The following COL9A3 variants were observed in gnomAD, a reference collection of about 807,000 sequenced individuals.
The protein encoded by COL9A3 is collagen alpha-3(IX) chain.
In COL9A3, 82 loss-of-function variants were observed where a neutral mutation model predicts 110.2. The observed-to-expected ratio is 0.74, with a 90% CI of 0.62 to 0.89. The LOEUF is 0.89. COL9A3 is among the 40% of genes least tolerant of loss of function. The pLI is 0.00. For missense variants in COL9A3, 1,066 were observed against 981.3 expected, an observed-to-expected ratio of 1.09 and a Z score of -1.15; for synonymous variants, 494 against 403.8, an observed-to-expected ratio of 1.22 and a Z score of -2.68.
chr20:62,823,747 C>T (rs982350208), intron 10 of COL9A3, among the ~76,000 whole-genome samples: 1 of 152,240 alleles, frequency 6.6e-6, no homozygotes, highest in Non-Finnish European at 1.5e-5. Context: ...CTCACAGTGC[C>T]CCTCCTAAAA....
At chr20:62,840,473 G>A in intron 31 of COL9A3, 69 bp from the exon 32 acceptor site, 3 of 1,414,848 alleles carry the variant, frequency 2.1e-6, no homozygotes, top group East Asian at 4.6e-5. Flanking sequence ...CTTGCCCACA[G>A]CTGGATGTCA....
intron 26 of COL9A3, among the ~76,000 whole-genome samples, chr20:62,834,821 A>G (rs1184682103): frequency 6.6e-6 from 1 of 152,054 alleles, no homozygotes; most frequent in African/African-American, 2.4e-5. Context: ...TTTTGTATTT[A>G]GTAGAGATGG....
chr20:62,830,656 C>CT lies in COL9A3; in HGVS notation c.1287+68_1287+69insT. The stretch of plus-strand genomic sequence containing the variant: ...ACCCATGTACCACAGTCCCCCACCC[C>CT]CATGACAGTCCCCCAACCCCCACCA... On this transcript the variant is annotated intron_variant, in intron 24 of 31. Coordinates refer to ENST00000649368, the MANE Select transcript of COL9A3 (RefSeq NM_001853.4). The CT allele has an allele frequency of 6.2e-6, 6 of 974,584 alleles. 3 individuals are homozygous for CT. The highest frequency in any genetic ancestry group is 6.0e-5 in the South Asian group (4 of 66,138). The allele number at this position is 974,584 out of a possible 1,614,324, so 60.4% of individuals were successfully genotyped here.
upstream of COL9A3, chr20:62,817,011 C>T: frequency 1.8e-6 from 2 of 1,097,738 alleles, no homozygotes; most frequent in Non-Finnish European, 2.3e-6. Context: ...ACCTCCCGCC[C>T]CGCCCGCCCG....
At chr20:62,839,110 A>G (rs2063655662) in intron 31 of COL9A3, among the ~76,000 whole-genome samples, 1 of 152,088 alleles carries the variant, frequency 6.6e-6, no homozygotes, top group South Asian at 2.1e-4. Flanking sequence ...CTGTAATCCC[A>G]GATACTTGGG....
Position 62,832,204 on chromosome 20 carries a change from G to T in COL9A3, c.1323+15G>T. 6.2e-7 allele frequency: 1 copy of T among 1,612,516 alleles called. No individual in the cohort carries two copies. Reference sequence around the variant, plus strand: ...AGGGAGACCAGGTGAGCTGGGCACAGGCTGGGGCAAAAGGAATGAAGGCAA... The same window carrying T: ...AGGGAGACCAGGTGAGCTGGGCACATGCTGGGGCAAAAGGAATGAAGGCAA... On this transcript the variant is annotated intron_variant, in intron 25 of 31. Coordinates refer to ENST00000649368, the MANE Select transcript of COL9A3 (RefSeq NM_001853.4).
chr20:62,821,590 G>T, intron 7 of COL9A3, 60 bp downstream of exon 7: 2 of 1,610,782 alleles, frequency 1.2e-6, no homozygotes, highest in Non-Finnish European at 1.7e-6. Flanking sequence ...AGCCTGCCAG[G>T]CTGGGATGTC....
chr20:62,825,255 T>C (rs2063543497), intron 12 of COL9A3, among the ~76,000 whole-genome samples: 1 of 152,068 alleles, frequency 6.6e-6, no homozygotes, highest in African/African-American at 2.4e-5. Context: ...GTGCCTGTCT[T>C]CCAGACAGGG....
At chr20:62,825,567 G>A in intron 12 of COL9A3, 1 of 592,506 alleles carries the variant, frequency 1.7e-6, no homozygotes. Flanking sequence ...ACGAGGAGGG[G>A]CCTGGACAGG....
chr20:62,839,099 C>A (rs2063655611), intron 31 of COL9A3, among the ~76,000 whole-genome samples: 1 of 152,056 alleles, frequency 6.6e-6, no homozygotes, highest in Non-Finnish European at 1.5e-5. Flanking sequence ...GTGGCGGGCG[C>A]CTGTAATCCC....
chr20:62,840,574 G>T lies in COL9A3; in HGVS notation c.1897G>T (p.Gly633Cys). The change falls in exon 32 of 32, where the codon GGC (glycine) becomes TGC (cysteine). Residue 633 changes from glycine (G) to cysteine (C), a missense_variant. Coordinates refer to ENST00000649368, the MANE Select transcript of COL9A3 (RefSeq NM_001853.4). Reference protein sequence around the residue: ...PQGVPGTSKDGQDGAPGEPGP... With the variant: ...PQGVPGTSKDCQDGAPGEPGP... ...AGGCGTGCCCGGCACCAGCAAGGAC[G>T]GCCAGGACGGTGCTCCCGGCGAGCC... 6.2e-7 allele frequency: 1 copy of T among 1,612,576 alleles called. No individual in the cohort carries two copies. The highest frequency in any genetic ancestry group is 2.2e-5 in the East Asian group (1 of 44,882).
chr20:62,818,242 A>G (rs1385288913), intron 2 of COL9A3, among the ~76,000 whole-genome samples: 1 of 152,150 alleles, frequency 6.6e-6, no homozygotes, highest in Non-Finnish European at 1.5e-5. Context: ...GGCTGCACCA[A>G]GAGCCCCCCA....
At chr20:62,830,247 A>C (rs1600802805) in intron 22 of COL9A3, 113 bp from the exon 23 acceptor site, 2 of 1,277,630 alleles carry the variant, frequency 1.6e-6, no homozygotes, top group East Asian at 5.0e-5. Flanking sequence ...GTGGCTTAGA[A>C]CCGGCTCCTG....
At position 62,822,682 on chromosome 20, in the gene COL9A3, G is replaced by T. The variant is rs199838058; in HGVS notation, c.519+50G>T. 51 of 1,590,602 alleles carry T rather than the reference G, an allele frequency of 3.2e-5. 1 individual carries two copies. The highest frequency in any genetic ancestry group is 2.5e-4 in the South Asian group (23 of 90,778). ...AGGGTGCTGGGGGGTGCCTACCTTG[G>T]GGGGAGGGGTTCTGGCCTGGAGAGG... is the stretch of plus-strand genomic sequence containing the variant. On this transcript the variant is annotated intron_variant, in intron 10 of 31. Coordinates refer to ENST00000649368, the MANE Select transcript of COL9A3 (RefSeq NM_001853.4).
rs2063674285 is a variant in COL9A3 at position 62,840,990 on chromosome 20, T to C, written c.*258T>C. On this transcript the variant is annotated 3_prime_UTR_variant, in exon 32 of 32. Coordinates refer to ENST00000649368, the MANE Select transcript of COL9A3 (RefSeq NM_001853.4). ...AGGTAGGGTGTGTATATATAAAAGG[T>C]TGTGTACAACTCCACGAGGTGAAAA... The C allele has an allele frequency of 2.0e-6, 1 of 503,658 alleles. No homozygotes were observed. The highest frequency in any genetic ancestry group is 1.9e-5 in the African/African-American group (1 of 51,694). 31.2% of individuals were successfully genotyped at this position (503,658 alleles called of 1,614,324 possible). A position where few individuals can be genotyped will look rare whatever the true frequency, so the allele number is the denominator to read the frequency against.
chr20:62,831,792 T>A lies in COL9A3; in HGVS notation c.1288-362T>A, dbSNP rs556336625. The A allele has an allele frequency of 8.3e-6, 3 of 359,640 alleles. No individual in the cohort carries two copies. The East Asian group carries it at 1.7e-4, about 21-fold the overall frequency. The allele number at this position is 359,640 out of a possible 1,614,324, so 22.3% of individuals were successfully genotyped here. On this transcript the variant is annotated intron_variant, in intron 24 of 31. Coordinates refer to ENST00000649368, the MANE Select transcript of COL9A3 (RefSeq NM_001853.4). Reference sequence around the variant, plus strand: ...GGATTCATAGCAACTCCCAGACATGTCCTCATTTCACAATGCCGGGGGAAG... The same window carrying A: ...GGATTCATAGCAACTCCCAGACATGACCTCATTTCACAATGCCGGGGGAAG...
chr20:62,835,430 C>T (rs1038890166), intron 26 of COL9A3, among the ~76,000 whole-genome samples: 4 of 152,190 alleles, frequency 2.6e-5, no homozygotes, highest in South Asian at 2.1e-4. Context: ...TAGTTTACTC[C>T]GGAGAGCCGA....
intron 1 of COL9A3, 71 bp from the exon 2 acceptor site, chr20:62,817,496 C>T (rs1990967703): frequency 2.6e-6 from 3 of 1,149,224 alleles, no homozygotes. Flanking sequence ...CGCTCGGGAC[C>T]CGGGAGGAGG....
intron 14 of COL9A3, among the ~76,000 whole-genome samples, 191 bp from the exon 15 acceptor site, chr20:62,826,576 G>T (rs2063555009): frequency 6.6e-6 from 1 of 152,206 alleles, no homozygotes; most frequent in African/African-American, 2.4e-5. Flanking sequence ...TGCTGTGAGG[G>T]CTGTTGTGGC....
Sources: gnomAD v4.1 joint callset for allele counts (sites outside exome capture counted in the v4.1 genomes callset) on GRCh38, gnomAD v4.1.1 for gene constraint, MANE v1.5 for transcripts, NCBI Gene and HGNC (gene_info 2026-07-23, HGNC 2026-07-21) for gene names.